SPG7: variants seen among roughly 807,000 people sequenced by gnomAD.
The protein encoded by SPG7 is SPG7 matrix AAA peptidase subunit, paraplegin, also known as mitochondrial inner membrane m-AAA protease component paraplegin.
A neutral mutation model predicts 81.9 loss-of-function variants in SPG7; 103 were observed. The ratio of observed to expected loss-of-function variants is 1.26; its 90% CI spans 1.07 to 1.48. The LOEUF (loss-of-function observed/expected upper bound fraction) is 1.48. Ranked by LOEUF, SPG7 falls within the 40% of genes most tolerant of loss-of-function variation. SPG7 has a pLI of 0.00. For synonymous variants in SPG7, 534 were observed against 444.2 expected (o/e 1.20, Z -2.54); for missense variants, 1,241 against 1,087.3 (o/e 1.14, Z -1.99).
rs893750117 is a variant in SPG7, at chr16:89,547,984, T to C, written c.1553-19T>C. On this transcript the variant is annotated intron_variant, in intron 11 of 16. Transcript: ENST00000645818. ...AGCAGAAACCCACCCACCCACACCGTGGCTGTTTGTGTTGACAGGGGCTGA... is the reference window on the plus strand; with the variant it reads ...AGCAGAAACCCACCCACCCACACCGCGGCTGTTTGTGTTGACAGGGGCTGA... 1.2e-6 allele frequency: 2 copies of C among 1,600,570 alleles called. No individual in the cohort carries two copies. The highest frequency in any genetic ancestry group is 1.7e-6 in the Non-Finnish European group (2 of 1,169,056).
At chr16:89,535,522 G>A (rs897691787) in intron 9 of SPG7, among the ~76,000 whole-genome samples, 8 of 152,236 alleles carry the variant, frequency 5.3e-5, no homozygotes, top group East Asian at 1.9e-4. Flanking sequence ...GAACTAACGC[G>A]TGAGCAACCG....
In SPG7 at chr16:89,553,136, G is replaced by A. The variant is rs1473395591; in HGVS notation, c.1936+1G>A. 6.2e-7 allele frequency: 1 copy of A among 1,603,680 alleles called. No homozygotes were observed. Among genetic ancestry groups the A allele is most frequent in the East Asian group, 2.3e-5 (1 of 44,318 alleles). On this transcript the variant is annotated splice_donor_variant, in intron 14 of 16. Transcript: ENST00000645818. LOFTEE classifies it high-confidence loss of function. ...CTGTCCTTCAACGAGGTCACTTCTG[G>A]TGAGGAGCAGCGGCGCGGGCCCTGG...
At chr16:89,539,156 C>G (rs946549331) in intron 9 of SPG7, 2 of 152,200 alleles carry the variant, frequency 1.3e-5, no homozygotes, top group African/African-American at 2.4e-5. Context: ...GTCCTTTCAC[C>G]CTCTAACGGG....
rs996433730 is a variant in SPG7, at chr16:89,513,225, C to T, written c.376+188C>T. ...ATCACTTGAGGCCTATACCACATAG[C>T]GAGACCCTGTCTCACTGCAAATTAA... On this transcript the variant is annotated intron_variant, in intron 3 of 16. Coordinates refer to ENST00000645818, the MANE Select transcript of SPG7 (RefSeq NM_003119.4). Among the ~76,000 whole-genome samples the T allele has an allele frequency of 6.6e-5, 10 of 152,110 alleles. No homozygotes were observed. Among genetic ancestry groups the T allele is most frequent in the East Asian group, 1.9e-4 (1 of 5,202 alleles).
chr16:89,536,682 G>T (rs1432450977), intron 9 of SPG7: 5 of 1,550,874 alleles, frequency 3.2e-6, no homozygotes, highest in Non-Finnish European at 4.4e-6. Context: ...ATCGGGCGAG[G>T]CGGGCGGCTG....
chr16:89,516,789 C>T (rs567388156), intron 3 of SPG7: 1 of 150,874 alleles, frequency 6.6e-6, no homozygotes, highest in Non-Finnish European at 1.5e-5. Flanking sequence ...GGCGTGAACC[C>T]AAGAGGCGAA....
intron 13 of SPG7, chr16:89,551,547 C>T (rs2058634410): frequency 1.3e-5 from 2 of 152,248 alleles, no homozygotes; most frequent in Non-Finnish European, 2.9e-5. Context: ...CGAGTGGACA[C>T]TCAGCTGGGG....
chr16:89,544,849 T>A (rs2058543098), intron 10 of SPG7, 77 bp downstream of exon 10: 1 of 1,556,502 alleles, frequency 6.4e-7, no homozygotes, highest in Non-Finnish European at 8.8e-7. Context: ...GCCTCTCCTC[T>A]AAGACACTTC....
chr16:89,512,811 A>G (rs556788148), intron 2 of SPG7, 137 bp from the exon 3 acceptor site: 89 of 815,488 alleles, frequency 1.1e-4, no homozygotes, highest in Non-Finnish European at 2.1e-5. Context: ...TTTCATATTT[A>G]TAAATCTTAT....
chr16:89,540,378 G>C (rs1376974416), intron 9 of SPG7: 1 of 151,990 alleles, frequency 6.6e-6, no homozygotes, highest in Non-Finnish European at 1.5e-5. Flanking sequence ...CTTTAGCCCG[G>C]GAGTTTGAAA....
At chr16:89,544,048 G>A (rs566218760) in intron 9 of SPG7, 4 of 171,816 alleles carry the variant, frequency 2.3e-5, no homozygotes, top group South Asian at 1.3e-4. Context: ...ACACCTGAAC[G>A]TTCTTACGAG....
rs752685889 is a variant in SPG7 at position 89,544,640 on chromosome 16, C to G, written c.1325-8C>G. On this transcript the variant is annotated splice_polypyrimidine_tract_variant and splice_region_variant and intron_variant, in intron 9 of 16. Coordinates refer to ENST00000645818, the MANE Select transcript of SPG7 (RefSeq NM_003119.4). Reference sequence around the variant, plus strand: ...CCCTCAGAGCCACTGTCTGCTCTGTCCCCTCAGGAATGGGTACCACAGACC... The same window carrying G: ...CCCTCAGAGCCACTGTCTGCTCTGTGCCCTCAGGAATGGGTACCACAGACC... 4 of 1,613,924 alleles carry G rather than the reference C, an allele frequency of 2.5e-6. No homozygotes were observed. Among genetic ancestry groups the G allele is most frequent in the Non-Finnish European group, 2.5e-6 (3 of 1,179,910 alleles).
At chr16:89,530,910 C>G in intron 7 of SPG7, 102 bp downstream of exon 7, 1 of 1,530,548 alleles carries the variant, frequency 6.5e-7, no homozygotes, top group Non-Finnish European at 9.0e-7. Context: ...GATGACGTGT[C>G]GTGGGTTGGC....
chr16:89,549,566 G>A (rs1315151449), intron 12 of SPG7: 5 of 260,636 alleles, frequency 1.9e-5, no homozygotes, highest in African/African-American at 4.5e-5. Flanking sequence ...TACTCAGGAG[G>A]CTGCAGCAGG....
At chr16:89,550,279 T>A (rs1319071240) in intron 12 of SPG7, 8 of 519,176 alleles carry the variant, frequency 1.5e-5, no homozygotes, top group African/African-American at 3.8e-5. Flanking sequence ...TTCAAGTGAT[T>A]CTCTTGCCTC....
At chr16:89,526,160 G>GT (rs1479096921) in intron 4 of SPG7, among the ~76,000 whole-genome samples, 169 bp from the exon 5 acceptor site, 2 of 152,142 alleles carry the variant, frequency 1.3e-5, no homozygotes, top group African/African-American at 2.4e-5. Context: ...TGGAAAGACC[G>GT]TAAGTGGAAC....
At position 89,554,756 on chromosome 16, in the gene SPG7, TC is replaced by T. The variant is rs1597666216; in HGVS notation, c.2181+198del. The T allele has an allele frequency of 1.7e-5, 10 of 589,358 alleles. No homozygotes were observed. The East Asian group carries it at 2.9e-4, about 17-fold the overall frequency. 36.5% of individuals were successfully genotyped at this position (589,358 alleles called of 1,614,324 possible). A position where few individuals can be genotyped will look rare whatever the true frequency, so the allele number is the denominator to read the frequency against. On this transcript the variant is annotated intron_variant, in intron 16 of 16. Transcript: ENST00000645818. ...TTTATCCTGAACTCGTCAAGTGTGT[TC>T]CCCCGAGGTAGAAAGAAGGCTGCCA...
chr16:89,529,475 A>G lies in SPG7; in HGVS notation c.759-2A>G, dbSNP rs770299071. The stretch of plus-strand genomic sequence containing the variant: ...TGTGCCTGCCTCTCTTTCTTCCGGC[A>G]GTGCCCTGTACTCTGTGGGGATGAC... On this transcript the variant is annotated splice_acceptor_variant, in intron 5 of 16. Coordinates refer to ENST00000645818, the MANE Select transcript of SPG7 (RefSeq NM_003119.4). LOFTEE classifies it high-confidence loss of function. The G allele has an allele frequency of 5.0e-6, 8 of 1,609,184 alleles. No individual in the cohort carries two copies. The highest frequency in any genetic ancestry group is 2.2e-5 in the East Asian group (1 of 44,836).
chr16:89,537,171 A>G (rs1337059185), intron 9 of SPG7: 4 of 1,451,446 alleles, frequency 2.8e-6, no homozygotes, highest in East Asian at 2.5e-5. Context: ...ATGGAAGCGC[A>G]CAGGATAGGG....
Sources: allele counts gnomAD v4.1 joint callset (sites outside exome capture counted in the v4.1 genomes callset), GRCh38; gene constraint gnomAD v4.1.1; transcripts MANE v1.5; gene names NCBI Gene and HGNC (gene_info 2026-07-23, HGNC 2026-07-21).